The following MEGF11 variants were observed in gnomAD, a reference collection of about 807,000 sequenced individuals.
The protein encoded by MEGF11 is multiple EGF like domains 11.
A neutral mutation model predicts 146.6 loss-of-function variants in MEGF11; 126 were observed. The observed-to-expected ratio is 0.86, with a 90% confidence interval of 0.74 to 1.00. MEGF11 has a LOEUF of 1.00. Among genes scored for constraint, MEGF11 ranks in the 50% least tolerant of loss-of-function variants. The probability of loss-of-function intolerance (pLI) is 0.00; values close to 1 mark genes in which losing one functional copy is unlikely to be tolerated. For synonymous variants in MEGF11, 532 were observed against 583.4 expected (o/e 0.91, Z 1.27); for missense variants, 1,509 against 1,521.2 (o/e 0.99, Z 0.13).
chr15:66,112,671 A>C (rs896268813), intron 4 of MEGF11, among the ~76,000 whole-genome samples: 3 of 149,450 alleles, frequency 2.0e-5, no homozygotes, highest in Non-Finnish European at 4.4e-5. Context: ...ACAAATAAAA[A>C]CCCCCAGAAA....
rs187295545 is a variant in MEGF11, at chr15:65,987,923, A to T, written c.395-5435T>A. ...ATGGGGTTTCACTGTGTTAGCCAGG[A>T]TGGTTTCGATCTCCTGACCTCGTGA... On this transcript the variant is annotated intron_variant, in intron 5 of 25. Coordinates refer to ENST00000395614, the MANE Select transcript of MEGF11 (RefSeq NM_001385028.1). 2.0e-5 allele frequency among the ~76,000 whole-genome samples: 3 copies of T among 149,682 alleles called. No homozygotes were observed. The East Asian group carries it at 6.0e-4, about 30-fold the overall frequency.
At chr15:66,104,236 G>A (rs1381309871) in intron 4 of MEGF11, among the ~76,000 whole-genome samples, 1 of 152,176 alleles carries the variant, frequency 6.6e-6, no homozygotes, top group Non-Finnish European at 1.5e-5. Flanking sequence ...TGGAGTTACA[G>A]CTTTCACAGT....
At chr15:65,928,566 A>G (rs750957611) in intron 12 of MEGF11, 39 bp from the exon 13 acceptor site, 1 of 1,431,090 alleles carries the variant, frequency 7.0e-7, no homozygotes, top group Non-Finnish European at 9.7e-7. Flanking sequence ...ATCAGACCCA[A>G]ACCTCCAGAG....
intron 5 of MEGF11, among the ~76,000 whole-genome samples, chr15:66,022,945 G>C (rs1567206385): frequency 6.6e-6 from 1 of 151,774 alleles, no homozygotes; most frequent in Non-Finnish European, 1.5e-5. Flanking sequence ...TTGAGGTCAG[G>C]AGTTCGAGAC....
chr15:66,144,382 G>A (rs1052226013), intron 1 of MEGF11, among the ~76,000 whole-genome samples: 4 of 152,072 alleles, frequency 2.6e-5, no homozygotes, highest in African/African-American at 7.2e-5. Context: ...TTCTTTCTTC[G>A]TCTCTTTCTC....
chr15:66,087,844 GACA>G (rs899028420), intron 5 of MEGF11, among the ~76,000 whole-genome samples: 63 of 152,082 alleles, frequency 4.1e-4, no homozygotes, highest in East Asian at 3.1e-3. Flanking sequence ...ATGAAATTGA[GACA>G]ACAACAACAA....
At chr15:66,013,236 G>A (rs768943417) in intron 5 of MEGF11, among the ~76,000 whole-genome samples, 11 of 152,174 alleles carry the variant, frequency 7.2e-5, no homozygotes, top group Non-Finnish European at 1.5e-4. Context: ...GTCAGTCAGG[G>A]AAGCATGTCA....
intron 1 of MEGF11, among the ~76,000 whole-genome samples, chr15:66,163,226 G>A (rs1477796): frequency 0.55 from 84,041 of 152,022 alleles, 24,123 homozygotes; most frequent in East Asian, 0.71. Context: ...AGCCACCACA[G>A]TATGTTTTGT....
At chr15:65,963,241 CCTGA>C (rs1440180784) in intron 9 of MEGF11, among the ~76,000 whole-genome samples, 3 of 152,188 alleles carry the variant, frequency 2.0e-5, no homozygotes, top group African/African-American at 7.2e-5. Flanking sequence ...TGCCCAGTCC[CCTGA>C]CCAGCCATAT....
intron 1 of MEGF11, among the ~76,000 whole-genome samples, chr15:66,140,196 TCA>T (rs2089079646): frequency 6.6e-6 from 1 of 152,158 alleles, no homozygotes. Flanking sequence ...GATCCTGAAG[TCA>T]CACAAAATCC....
At chr15:65,957,128 G>A (rs1023296416) in intron 10 of MEGF11, among the ~76,000 whole-genome samples, 1 of 152,110 alleles carries the variant, frequency 6.6e-6, no homozygotes, top group African/African-American at 2.4e-5. Flanking sequence ...ATAAACTGGG[G>A]GTACATCTGC....
rs149528553 is a variant in MEGF11, at chr15:66,013,818, T to A, written c.395-31330A>T. The stretch of plus-strand genomic sequence containing the variant: ...GGCAAAGGTGGGAAAGTATAGGGAA[T>A]GAATAAGAGTAGTTCCAGTTGGATA... On this transcript the variant is annotated intron_variant, in intron 5 of 25. Transcript: ENST00000395614. 2.0e-5 allele frequency among the ~76,000 whole-genome samples: 3 copies of A among 152,302 alleles called. No homozygotes were observed. The East Asian group carries it at 5.8e-4, about 29-fold the overall frequency.
intron 1 of MEGF11, among the ~76,000 whole-genome samples, chr15:66,222,941 A>G (rs1337720184): frequency 6.6e-6 from 1 of 152,220 alleles, no homozygotes; most frequent in Non-Finnish European, 1.5e-5. Context: ...AGTTTCTCAA[A>G]TGTTAAACAT....
chr15:65,983,309 C>T (rs1391244564), intron 5 of MEGF11, among the ~76,000 whole-genome samples: 1 of 152,184 alleles, frequency 6.6e-6, no homozygotes, highest in African/African-American at 2.4e-5. Context: ...GCCAGTGTTG[C>T]AGAAATTCAC....
chr15:65,964,890 C>T lies in MEGF11; in HGVS notation c.1112+18G>A, dbSNP rs1374574242. On this transcript the variant is annotated intron_variant, in intron 9 of 25. Coordinates refer to ENST00000395614, the MANE Select transcript of MEGF11 (RefSeq NM_001385028.1). ...ACCCCCCGCCCTTGTCCCGGGCTCG[C>T]CCATTCCCAGCTCATACCTGATGGT... 2.7e-6 allele frequency: 4 copies of T among 1,462,310 alleles called. No individual in the cohort carries two copies. The highest frequency in any genetic ancestry group is 3.6e-6 in the Non-Finnish European group (4 of 1,101,106). 90.6% of individuals were successfully genotyped at this position (1,462,310 alleles called of 1,614,324 possible). A position where few individuals can be genotyped will look rare whatever the true frequency, so the allele number is the denominator to read the frequency against.
At chr15:66,237,735 C>T (rs892740740) in intron 1 of MEGF11, among the ~76,000 whole-genome samples, 1 of 152,226 alleles carries the variant, frequency 6.6e-6, no homozygotes, top group African/African-American at 2.4e-5. Flanking sequence ...GTCTGCCACA[C>T]AGCAGGCACT....
chr15:65,975,047 A>G (rs2081406418), intron 7 of MEGF11, among the ~76,000 whole-genome samples: 1 of 152,074 alleles, frequency 6.6e-6, no homozygotes, highest in Non-Finnish European at 1.5e-5. Context: ...GGGTTTCACC[A>G]TGTTGGCCAG....
At chr15:65,904,300 G>A (rs1038765407) in intron 24 of MEGF11, among the ~76,000 whole-genome samples, 3 of 152,180 alleles carry the variant, frequency 2.0e-5, no homozygotes, top group Non-Finnish European at 4.4e-5. Context: ...TCATAGTCAC[G>A]AAATAGAACT....
At chr15:66,233,333 T>A (rs777339800) in intron 1 of MEGF11, among the ~76,000 whole-genome samples, 18 of 152,174 alleles carry the variant, frequency 1.2e-4, no homozygotes, top group Non-Finnish European at 2.1e-4. Flanking sequence ...CCTCCCAGGT[T>A]CAAACGATTC....
Sources: allele counts gnomAD v4.1 joint callset (sites outside exome capture counted in the v4.1 genomes callset), GRCh38; gene constraint gnomAD v4.1.1; transcripts MANE v1.5; gene names NCBI Gene and HGNC (gene_info 2026-07-23, HGNC 2026-07-21).